Variants in USP35 observed in about 807,000 individuals in gnomAD.
The protein encoded by USP35 is ubiquitin specific peptidase 35, also known as ubiquitin carboxyl-terminal hydrolase 35.
Under a neutral mutation model 83.8 loss-of-function variants are expected in USP35, and 69 were observed. That is an observed-to-expected ratio of 0.82 (90% CI 0.68 to 1.01). The LOEUF (loss-of-function observed/expected upper bound fraction) is 1.01, where lower values mean the gene tolerates loss of function less well. USP35 is among the 50% of genes least tolerant of loss of function. USP35 has a pLI of 0.00. For synonymous variants in USP35, 714 were observed against 589.5 expected, an observed-to-expected ratio of 1.21 and a Z score of -3.06; for missense variants, 1,503 against 1,362.5, an observed-to-expected ratio of 1.10 and a Z score of -1.62.
chr11:78,192,572 G>A lies in USP35; in HGVS notation c.-11+3415G>A, dbSNP rs754900967. Among the ~76,000 whole-genome samples the A allele has an allele frequency of 3.3e-5, 5 of 152,212 alleles. No homozygotes were observed. In the South Asian group the frequency reaches 6.2e-4, roughly 19 times the overall value. The stretch of plus-strand genomic sequence containing the variant: ...TGACAGCTGTCCTCAGACTGCCTGC[G>A]TGGGAGTTGGGGCAGGTGGGCAGGG... On this transcript the variant is annotated intron_variant, in intron 1 of 10. Transcript: ENST00000529308.
At chr11:78,200,293 CCCTGCCTACTGCCCCTGGTAAGGG>C in intron 5 of USP35, 59 bp downstream of exon 5, 1 of 1,550,054 alleles carries the variant, frequency 6.5e-7, no homozygotes, top group Non-Finnish European at 8.9e-7. Flanking sequence ...CTGGTAAGGG[CCCTGCCTACTGCCCCTGGTAAGGG>C]CCCTGCCTGC....
chr11:78,205,468 G>A (rs1318483328), intron 6 of USP35, among the ~76,000 whole-genome samples: 4 of 152,212 alleles, frequency 2.6e-5, no homozygotes, highest in Admixed American at 2.6e-4. Flanking sequence ...TGACATTACT[G>A]GATTTGGCCT....
chr11:78,213,607 GAATTCT>G (rs1555089513), intron 10 of USP35, 33 bp from the exon 11 acceptor site: 5 of 1,438,796 alleles, frequency 3.5e-6, no homozygotes, highest in Non-Finnish European at 4.5e-6. Context: ...TTCAGGGTGT[GAATTCT>G]AAGTCTAAGT....
intron 5 of USP35, 122 bp from the exon 6 acceptor site, chr11:78,200,528 C>A: frequency 7.1e-7 from 1 of 1,405,078 alleles, no homozygotes; most frequent in Non-Finnish European, 9.5e-7. Flanking sequence ...GGTCAGGGGA[C>A]AGTGGTCAGG....
the USP35 span, chr11:78,226,713 G>T: frequency 1.2e-6 from 2 of 1,613,850 alleles, no homozygotes; most frequent in Non-Finnish European, 1.7e-6. Context: ...GGCTGAGAGT[G>T]GGGTGGCCGG....
the USP35 span, among the ~76,000 whole-genome samples, chr11:78,232,720 C>T: frequency 6.6e-6 from 1 of 152,134 alleles, no homozygotes; most frequent in African/African-American, 2.4e-5. Context: ...TTTACTGTAT[C>T]TTTACAATCA....
At chr11:78,226,094 G>A in the USP35 span, among the ~76,000 whole-genome samples, 4 of 152,316 alleles carry the variant, frequency 2.6e-5, no homozygotes, top group South Asian at 2.1e-4. Flanking sequence ...TTTCACTCCA[G>A]TTTGGACTGA....
Position 78,208,924 on chromosome 11 carries a change from AG to A in USP35, c.1554del (p.Gln518HisfsTer8). 6.2e-7 allele frequency: 1 copy of A among 1,614,224 alleles called. No individual in the cohort carries two copies. The highest frequency in any genetic ancestry group is 1.3e-5 in the African/African-American group (1 of 75,058). On this transcript the variant is annotated frameshift_variant, in exon 9 of 11. Transcript: ENST00000529308. LOFTEE classifies it high-confidence loss of function. The part of the protein sequence containing the change: ...SWTPWFSPGT[Q>X]QDCSEYLKYL... ...ACGCCCTGGTTCAGCCCTGGCACCC[AG>A]CAGGACTGCTCGGAGTATCTGAAGT...
Position 78,196,318 on chromosome 11 carries a change from G to C in USP35, c.73G>C (p.Val25Leu). ...VSVKQGLVRR[V>L]LEAARQPLER... ...CGTGAAGCAGGGGCTGGTTCGGCGC[G>C]TGCTGGAGGCGGCGCGGCAGCCGCT... The change falls in exon 2 of 11, where the codon GTG becomes CTG. Residue 25 changes from valine (V) to leucine (L), a missense_variant. Transcript: ENST00000529308. This position sits in a 1 kb window ranked among gnomAD's most constrained non-coding sequence, Gnocchi z 4.8. 6.3e-7 allele frequency: 1 copy of C among 1,589,732 alleles called. No individual in the cohort carries two copies. The highest frequency in any genetic ancestry group is 8.5e-7 in the Non-Finnish European group (1 of 1,175,408).
At chr11:78,224,961 C>T in the USP35 span, 13 of 609,156 alleles carry the variant, frequency 2.1e-5, no homozygotes, top group Non-Finnish European at 3.2e-5. Context: ...AGACTCAACG[C>T]AGGGTTCTGA....
downstream of USP35, chr11:78,219,555 A>G: frequency 2.7e-6 from 2 of 734,222 alleles, no homozygotes; most frequent in South Asian, 3.5e-5. Flanking sequence ...CAGCCTCAGG[A>G]GCCTGGCTTC....
the USP35 span, chr11:78,222,347 C>G: frequency 1.6e-6 from 1 of 617,940 alleles, no homozygotes; most frequent in Non-Finnish European, 3.0e-6. Context: ...GTTGTATAAT[C>G]TTTGCCCATA....
At chr11:78,210,931 A>G (rs2134417694) in intron 10 of USP35, among the ~76,000 whole-genome samples, 187 bp downstream of exon 10, 1 of 152,344 alleles carries the variant, frequency 6.6e-6, no homozygotes, top group Non-Finnish European at 1.5e-5. Context: ...ACAGACACTG[A>G]GTAATGAATG....
At position 78,196,576 on chromosome 11, in the gene USP35, C is replaced by A; in HGVS notation, c.331C>A (p.Leu111Met). 1 of 1,244,458 alleles carries A rather than the reference C, an allele frequency of 8.0e-7. No individual in the cohort carries two copies. Among genetic ancestry groups the A allele is most frequent in the Non-Finnish European group, 1.0e-6 (1 of 991,966 alleles). 77.1% of individuals were successfully genotyped at this position (1,244,458 alleles called of 1,614,324 possible). ...LACVQLGLQLLPEGPAADEVF... is the reference protein window; with the variant it reads ...LACVQLGLQLMPEGPAADEVF... ...CTGCGTGCAGCTGGGTCTGCAGCTG[C>A]TGCCCGAGGGGCCTGCGGCCGACGA... The change falls in exon 2 of 11, where the codon CTG (leucine) becomes ATG (methionine). Residue 111 changes from leucine (L) to methionine (M), a missense_variant. By Grantham distance (15) the Leu-to-Met change is conservative (BLOSUM62 2). Coordinates refer to ENST00000529308, the MANE Select transcript of USP35 (RefSeq NM_020798.4). This position sits in a 1 kb window ranked among gnomAD's most constrained non-coding sequence, Gnocchi z 4.8.
chr11:78,200,712 C>T lies in USP35; in HGVS notation c.1101C>T (p.Thr367=), dbSNP rs778711303. The change falls in exon 6 of 11, where the codon ACC becomes ACT. Residue 367 remains threonine, a synonymous_variant. Transcript: ENST00000529308. ...SLVKEDSNSG[T]SCLEQLAELV... The stretch of plus-strand genomic sequence containing the variant: ...TCAAGGAGGACTCGAACTCGGGGAC[C>T]AGCTGCCTGGAGCAGCTGGCGGAGC... 2 of 1,614,124 alleles carry T rather than the reference C, an allele frequency of 1.2e-6. No homozygotes were observed. The highest frequency in any genetic ancestry group is 2.2e-5 in the South Asian group (2 of 91,078).
At chr11:78,236,199 G>A in the USP35 span, among the ~76,000 whole-genome samples, 1 of 152,058 alleles carries the variant, frequency 6.6e-6, no homozygotes, top group African/African-American at 2.4e-5. Flanking sequence ...ACGTTTTCTG[G>A]TACCATTCGA....
the USP35 span, among the ~76,000 whole-genome samples, chr11:78,237,034 A>G: frequency 6.6e-6 from 1 of 152,150 alleles, no homozygotes; most frequent in Admixed American, 6.5e-5. Context: ...CCAGATTTTG[A>G]TAGTAGGGTT....
At chr11:78,226,998 G>T in the USP35 span, 1 of 1,613,614 alleles carries the variant, frequency 6.2e-7, no homozygotes, top group Non-Finnish European at 8.5e-7. Context: ...TTGTACAGCT[G>T]TGTCACTCCT....
chr11:78,213,763 T>G lies in USP35; in HGVS notation c.3007T>G (p.Cys1003Gly), dbSNP rs758249173. 5.8e-6 allele frequency: 9 copies of G among 1,547,268 alleles called. No homozygotes were observed. Among genetic ancestry groups the G allele is most frequent in the Non-Finnish European group, 6.9e-6 (8 of 1,155,404 alleles). Residue 1003 changes from cysteine (C) to glycine (G), a missense_variant, in exon 11 of 11, where the codon TGC becomes GGC. Coordinates refer to ENST00000529308, the MANE Select transcript of USP35 (RefSeq NM_020798.4). The stretch of plus-strand genomic sequence containing the variant: ...TGAGGATGAAGGCTCTCCAGGGGGC[T>G]GCAATCCTGCAGGTGGCAATGGTGG... The part of the protein sequence containing the change: ...KDEDEGSPGG[C>G]NPAGGNGGDF...
Sources: allele counts gnomAD v4.1 joint callset (sites outside exome capture counted in the v4.1 genomes callset), GRCh38; gene constraint gnomAD v4.1.1; non-coding constraint Gnocchi (gnomAD v3.1); transcripts MANE v1.5; gene names NCBI Gene and HGNC (gene_info 2026-07-23, HGNC 2026-07-21).